The following RBFOX1 variants were observed in gnomAD, a reference collection of about 807,000 sequenced individuals.
RBFOX1 encodes RNA binding protein fox-1 homolog 1.
A neutral mutation model predicts 57.7 loss-of-function variants in RBFOX1; 8 were observed. The observed-to-expected ratio is 0.14, with a 90% CI of 0.08 to 0.25. The LOEUF (loss-of-function observed/expected upper bound fraction) is 0.25. Among genes scored for constraint, RBFOX1 ranks in the 10% least tolerant of loss-of-function variants. The probability of loss-of-function intolerance (pLI) is 1.00; values close to 1 mark genes in which losing one functional copy is unlikely to be tolerated. For missense variants in RBFOX1, 611 were observed against 548.5 expected (o/e 1.11, Z -1.14); for synonymous variants, 326 against 222.4 (o/e 1.47, Z -4.15).
At chr16:7,088,136 G>T (rs527421073) in intron 4 of RBFOX1, among the ~76,000 whole-genome samples, 3 of 152,298 alleles carry the variant, frequency 2.0e-5, no homozygotes, top group South Asian at 2.1e-4. Flanking sequence ...AAATGTGTAT[G>T]TGTATGGGGT....
At position 7,063,233 on chromosome 16, in the gene RBFOX1, G is replaced by A. The variant is rs142456254; in HGVS notation, c.27+11135G>A. Among the ~76,000 whole-genome samples, 646 of 152,162 alleles carry A rather than the reference G, an allele frequency of 4.2e-3. 3 individuals carry two copies. The highest frequency in any genetic ancestry group is 6.8e-3 in the Non-Finnish European group (465 of 68,004). ...AGTCATCAAGAGCAGGTAGGCACAG[G>A]AAGAGAGGTCTGTGCTTCAGGGTCT... On this transcript the variant is annotated intron_variant, in intron 4 of 15. Transcript: ENST00000550418.
At chr16:7,087,715 G>C (rs1413990937) in intron 4 of RBFOX1, among the ~76,000 whole-genome samples, 3 of 152,052 alleles carry the variant, frequency 2.0e-5, no homozygotes, top group Non-Finnish European at 2.9e-5. Context: ...GGAAAGAAGA[G>C]GGTCTCTAAG....
intron 2 of RBFOX1, among the ~76,000 whole-genome samples, chr16:6,626,118 T>A (rs2098301630): frequency 1.3e-5 from 2 of 151,298 alleles, no homozygotes; most frequent in African/African-American, 4.9e-5. Context: ...CAACATTGCA[T>A]CAAGGCCTAA....
At position 7,650,313 on chromosome 16, in the gene RBFOX1, CT is replaced by C. The variant is rs35693712; in HGVS notation, c.758-3486del. Among the ~76,000 whole-genome samples the C allele has an allele frequency of 6.0e-3, 827 of 138,848 alleles. 1 individual carries two copies. The highest frequency in any genetic ancestry group is 0.013 in the African/African-American group (474 of 37,670). The allele number at this position is 138,848 out of a possible 152,430, so 91.1% of individuals were successfully genotyped here. A position where few individuals can be genotyped will look rare whatever the true frequency, so the allele number is the denominator to read the frequency against. ...CCCAAAGCATGACCTGTGGAACTCTCTTTTTTTTTTTTTTTTGGCCAAGGGT... is the reference window on the plus strand; with the variant it reads ...CCCAAAGCATGACCTGTGGAACTCTCTTTTTTTTTTTTTTTGGCCAAGGGT... On this transcript the variant is annotated intron_variant, in intron 11 of 15. Transcript: ENST00000550418.
intron 4 of RBFOX1, among the ~76,000 whole-genome samples, chr16:7,517,551 GACACACACAC>G (rs35971142): frequency 2.0e-5 from 3 of 150,314 alleles, no homozygotes; most frequent in Admixed American, 6.6e-5. Context: ...CACACACACA[GACACACACAC>G]ACACACACAC....
At chr16:7,664,596 G>A (rs554354030) in intron 12 of RBFOX1, among the ~76,000 whole-genome samples, 13 of 152,098 alleles carry the variant, frequency 8.5e-5, no homozygotes, top group Non-Finnish European at 1.6e-4. Context: ...CTGTTAAGAT[G>A]CTCATGTCTG....
intron 1 of RBFOX1, among the ~76,000 whole-genome samples, chr16:5,265,330 A>G (rs1470238690): frequency 2.9e-5 from 4 of 135,720 alleles, no homozygotes; most frequent in Admixed American, 1.4e-4. Flanking sequence ...ACTCAATGCT[A>G]GTGGTAGAAC....
intron 4 of RBFOX1, among the ~76,000 whole-genome samples, chr16:7,352,032 G>A (rs781674314): frequency 6.6e-6 from 1 of 152,160 alleles, no homozygotes; most frequent in Admixed American, 6.5e-5. Context: ...ACTTGGGGTG[G>A]CTGAGAGTTT....
At chr16:7,318,348 G>C (rs2096483172) in intron 4 of RBFOX1, among the ~76,000 whole-genome samples, 1 of 151,946 alleles carries the variant, frequency 6.6e-6, no homozygotes, top group Non-Finnish European at 1.5e-5. Context: ...GCTGATGGTG[G>C]TAGTTGCAGT....
intron 1 of RBFOX1, among the ~76,000 whole-genome samples, chr16:6,158,047 C>G (rs939811698): frequency 6.6e-6 from 1 of 152,146 alleles, no homozygotes; most frequent in African/African-American, 2.4e-5. Flanking sequence ...TACAGCAAAT[C>G]ATATCCAAAC....
intron 2 of RBFOX1, among the ~76,000 whole-genome samples, chr16:6,562,005 A>C (rs2097185432): frequency 6.6e-6 from 1 of 152,036 alleles, no homozygotes; most frequent in Admixed American, 6.5e-5. Context: ...TGTAGAGATC[A>C]TTATGAGGCC....
At chr16:5,726,392 C>T (rs1162510280) in intron 3 of RBFOX1, among the ~76,000 whole-genome samples, 2 of 152,156 alleles carry the variant, frequency 1.3e-5, no homozygotes, top group African/African-American at 4.8e-5. Flanking sequence ...ATCTACTAAA[C>T]CTCCTCCCTC....
chr16:7,245,946 C>G (rs2094279747), intron 4 of RBFOX1, among the ~76,000 whole-genome samples: 1 of 152,102 alleles, frequency 6.6e-6, no homozygotes, highest in South Asian at 2.1e-4. Context: ...TCAACAAACA[C>G]AATTAGCCCA....
Position 6,225,174 on chromosome 16 carries a change from A to G in RBFOX1, c.-126-91821A>G, listed in dbSNP as rs537186555. On this transcript the variant is annotated intron_variant, in intron 1 of 15. Coordinates refer to ENST00000550418, the MANE Select transcript of RBFOX1 (RefSeq NM_018723.4). ...GAAGGTGATCTTTAACAATGGAAGG[A>G]ATAACAGCTACAATCCCAATACGTG... is the stretch of plus-strand genomic sequence containing the variant. 2.0e-4 allele frequency among the ~76,000 whole-genome samples: 30 copies of G among 152,228 alleles called. No homozygotes were observed. In the East Asian group the frequency reaches 5.2e-3, roughly 26 times the overall value.
intron 3 of RBFOX1, among the ~76,000 whole-genome samples, chr16:6,717,941 T>A (rs1603457664): frequency 6.6e-6 from 1 of 152,310 alleles, no homozygotes; most frequent in African/African-American, 2.4e-5. Context: ...CACATAGTGG[T>A]CAGTGGCTTC....
chr16:7,378,719 C>T (rs1174591957), intron 4 of RBFOX1, among the ~76,000 whole-genome samples: 6 of 152,124 alleles, frequency 3.9e-5, no homozygotes, highest in Non-Finnish European at 8.8e-5. Flanking sequence ...TCCGCCAAAC[C>T]CTGGTGAGCT....
At chr16:7,443,125 T>C (rs2098782092) in intron 4 of RBFOX1, among the ~76,000 whole-genome samples, 1 of 152,218 alleles carries the variant, frequency 6.6e-6, no homozygotes, top group South Asian at 2.1e-4. Flanking sequence ...GATTTTCGAT[T>C]CCTATGGAGA....
intron 3 of RBFOX1, among the ~76,000 whole-genome samples, chr16:6,955,733 C>T (rs138465339): frequency 0.013 from 1,985 of 150,054 alleles, 52 homozygotes; most frequent in African/African-American, 0.048. Context: ...GAGGGAGTTT[C>T]ACTCTTGTTC....
chr16:7,473,177 G>C (rs1455282604), intron 4 of RBFOX1, among the ~76,000 whole-genome samples: 2 of 152,020 alleles, frequency 1.3e-5, no homozygotes, highest in Admixed American at 6.6e-5. Flanking sequence ...CCAGGAGTTT[G>C]AGACCAGCCT....
Sources: allele counts gnomAD v4.1 joint callset (sites outside exome capture counted in the v4.1 genomes callset), GRCh38; gene constraint gnomAD v4.1.1; transcripts MANE v1.5; gene names NCBI Gene and HGNC (gene_info 2026-07-23, HGNC 2026-07-21).